PKP2: variants seen among roughly 807,000 people sequenced by gnomAD.
The protein encoded by PKP2 is plakophilin-2.
Under a neutral mutation model 83.4 loss-of-function variants are expected in PKP2, and 73 were observed. The observed-to-expected ratio is 0.88, with a 90% confidence interval of 0.72 to 1.06. PKP2 has a LOEUF of 1.06. Among genes scored for constraint, PKP2 ranks in the 50% least tolerant of loss-of-function variants. The pLI, the probability that PKP2 is intolerant of heterozygous loss-of-function variation, is 0.00. For missense variants in PKP2, 966 were observed against 1,065.4 expected (o/e 0.91, Z 1.30); for synonymous variants, 409 against 430.4 (o/e 0.95, Z 0.62).
intron 9 of PKP2, among the ~76,000 whole-genome samples, chr12:32,805,144 GGTT>G (rs752780674): frequency 3.0e-4 from 45 of 151,360 alleles, no homozygotes; most frequent in Non-Finnish European, 5.6e-4. Context: ...TTTTTAATGG[GGTT>G]GTTTTTTTTT....
At chr12:32,802,695 G>A in intron 9 of PKP2, 139 bp from the exon 10 acceptor site, 1 of 790,016 alleles carries the variant, frequency 1.3e-6, no homozygotes, top group South Asian at 1.6e-5. Context: ...GTCTCTCTCT[G>A]TCATTCAGGC....
At chr12:32,796,087 C>G in intron 11 of PKP2, 22 bp downstream of exon 11, 1 of 1,595,448 alleles carries the variant, frequency 6.3e-7, no homozygotes, top group Non-Finnish European at 8.5e-7. Context: ...AGGCAGCTGA[C>G]GGGCAGAACT....
intron 4 of PKP2, among the ~76,000 whole-genome samples, chr12:32,866,533 A>G (rs2137911749): frequency 7.1e-6 from 1 of 141,596 alleles, no homozygotes; most frequent in Non-Finnish European, 1.5e-5. Context: ...CCTGGGCAAC[A>G]GAGGCAGATC....
At chr12:32,856,245 G>A (rs1393310478) in intron 4 of PKP2, among the ~76,000 whole-genome samples, 1 of 152,136 alleles carries the variant, frequency 6.6e-6, no homozygotes, top group Non-Finnish European at 1.5e-5. Context: ...ACTAAATTAA[G>A]GGATTTGTCT....
At chr12:32,871,415 C>A (rs1256406013) in intron 3 of PKP2, among the ~76,000 whole-genome samples, 2 of 152,006 alleles carry the variant, frequency 1.3e-5, no homozygotes, top group Non-Finnish European at 2.9e-5. Context: ...CCCACTTCAG[C>A]CTTCTGAATA....
chr12:32,811,470 C>T (rs550779091), intron 9 of PKP2, among the ~76,000 whole-genome samples: 327 of 152,336 alleles, frequency 2.1e-3, no homozygotes, highest in African/African-American at 7.5e-3. Context: ...GATGCTTTAT[C>T]ATCACAAATC....
chr12:32,796,346 C>A (rs1208300918), intron 10 of PKP2, 48 bp from the exon 11 acceptor site: 1 of 1,462,634 alleles, frequency 6.8e-7, no homozygotes, highest in East Asian at 2.3e-5. Context: ...AAGATTGTTT[C>A]TTAATCCCAA....
At chr12:32,828,801 A>G (rs1956468664) in intron 6 of PKP2, among the ~76,000 whole-genome samples, 1 of 152,206 alleles carries the variant, frequency 6.6e-6, no homozygotes, top group South Asian at 2.1e-4. Context: ...GAGCTGAAGG[A>G]GATGGTTAAA....
intron 5 of PKP2, among the ~76,000 whole-genome samples, chr12:32,844,641 A>G (rs1287228966): frequency 6.6e-6 from 1 of 152,222 alleles, no homozygotes; most frequent in Non-Finnish European, 1.5e-5. Context: ...AAACAGAAAG[A>G]ACTACTTGTA....
intron 5 of PKP2, among the ~76,000 whole-genome samples, chr12:32,848,172 T>C (rs998526339): frequency 6.6e-6 from 1 of 152,174 alleles, no homozygotes; most frequent in Non-Finnish European, 1.5e-5. Flanking sequence ...CTTGTAATCC[T>C]AGCACTTTGA....
intron 4 of PKP2, among the ~76,000 whole-genome samples, chr12:32,858,138 A>G (rs1481478305): frequency 1.0e-5 from 1 of 96,732 alleles, no homozygotes; most frequent in African/African-American, 5.1e-5. Context: ...TTATATTTAT[A>G]TATATATATA....
At chr12:32,885,664 C>CA (rs1283821197) in intron 1 of PKP2, among the ~76,000 whole-genome samples, 1 of 151,074 alleles carries the variant, frequency 6.6e-6, no homozygotes, top group Non-Finnish European at 1.5e-5. Context: ...ATTCCGTCCC[C>CA]CCCCCAAAAA....
At chr12:32,863,195 A>G in intron 4 of PKP2, 1 of 224,044 alleles carries the variant, frequency 4.5e-6, no homozygotes, top group Non-Finnish European at 9.7e-6. Flanking sequence ...CTTAAAATTA[A>G]AGGTGTTTAT....
chr12:32,821,477 T>C lies in PKP2; in HGVS notation c.1892A>G (p.Glu631Gly). 6.2e-7 allele frequency: 1 copy of C among 1,614,062 alleles called. No homozygotes were observed. Among genetic ancestry groups the C allele is most frequent in the South Asian group, 1.1e-5 (1 of 91,076 alleles). ...TATAACAATGGAATGCCACAGCCACTCCACGCCCTTGGGGTTGCTCTTTTC... is the reference window on the plus strand; with the variant it reads ...TATAACAATGGAATGCCACAGCCACCCCACGCCCTTGGGGTTGCTCTTTTC... ...PEEKSNPKGV[E>G]WLWHSIVIRM... Residue 631 changes from glutamate (E) to glycine (G), a missense_variant, in exon 9 of 13, where the codon GAG (glutamate) becomes GGG (glycine). Physicochemically the swap from Glu to Gly is moderately conservative, Grantham distance 98 (BLOSUM62 -2). Transcript: ENST00000340811.
intron 4 of PKP2, among the ~76,000 whole-genome samples, chr12:32,854,244 C>A (rs1198244054): frequency 6.6e-6 from 1 of 152,148 alleles, no homozygotes; most frequent in Non-Finnish European, 1.5e-5. Context: ...GCTCCCTTAC[C>A]CTGTCACCTT....
At chr12:32,797,560 C>CTTTTTT (rs751510872) in intron 10 of PKP2, among the ~76,000 whole-genome samples, 1 of 132,742 alleles carries the variant, frequency 7.5e-6, no homozygotes, top group Admixed American at 7.7e-5. Flanking sequence ...GAACTAAAAT[C>CTTTTTT]TTTTTTTTTT....
chr12:32,844,732 T>G (rs1307035298), intron 5 of PKP2, among the ~76,000 whole-genome samples: 3 of 152,160 alleles, frequency 2.0e-5, no homozygotes, highest in African/African-American at 7.2e-5. Flanking sequence ...ACCCTGAAAT[T>G]AAAGTGTTAG....
chr12:32,793,355 A>G (rs900167027), intron 11 of PKP2, among the ~76,000 whole-genome samples: 15 of 152,150 alleles, frequency 9.9e-5, no homozygotes, highest in African/African-American at 3.6e-4. Context: ...ATAGAATATA[A>G]TCTATATTTG....
chr12:32,844,033 A>G (rs1490867768), intron 5 of PKP2, among the ~76,000 whole-genome samples: 1 of 152,244 alleles, frequency 6.6e-6, no homozygotes, highest in Non-Finnish European at 1.5e-5. Flanking sequence ...TACACCTTAC[A>G]ATAAAAACCA....
Sources: allele counts gnomAD v4.1 joint callset (sites outside exome capture counted in the v4.1 genomes callset), GRCh38; gene constraint gnomAD v4.1.1; transcripts MANE v1.5; gene names NCBI Gene and HGNC (gene_info 2026-07-23, HGNC 2026-07-21).